The following KCNQ5 variants were observed in gnomAD, a reference collection of about 807,000 sequenced individuals.
KCNQ5 encodes potassium voltage-gated channel subfamily Q member 5.
Under a neutral mutation model 98.2 loss-of-function variants are expected in KCNQ5, and 30 were observed. The observed-to-expected ratio is 0.31, with a 90% confidence interval of 0.23 to 0.41. The LOEUF (loss-of-function observed/expected upper bound fraction) is 0.41. KCNQ5 is among the 10% of genes least tolerant of loss of function. The probability of loss-of-function intolerance (pLI) is 1.00; values close to 1 mark genes in which losing one functional copy is unlikely to be tolerated. For missense variants in KCNQ5, 835 were observed against 1,182.5 expected (o/e 0.71, Z 4.31); for synonymous variants, 458 against 449.4 (o/e 1.02, Z -0.24).
intron 1 of KCNQ5, among the ~76,000 whole-genome samples, chr6:72,981,702 T>G (rs1208430454): frequency 1.1e-4 from 17 of 152,228 alleles, no homozygotes; most frequent in Admixed American, 1.1e-3. Context: ...TTCTGCTAGC[T>G]TTTGAATGTG....
chr6:72,654,471 T>C (rs1244769046), intron 1 of KCNQ5, among the ~76,000 whole-genome samples: 3 of 151,976 alleles, frequency 2.0e-5, no homozygotes, highest in South Asian at 4.2e-4. Flanking sequence ...ATACATAAAT[T>C]TGTGAGTCGG....
chr6:72,645,245 G>A (rs183915740), intron 1 of KCNQ5, among the ~76,000 whole-genome samples: 18 of 150,276 alleles, frequency 1.2e-4, no homozygotes, highest in Admixed American at 3.3e-4. Flanking sequence ...TAGTAGCTGC[G>A]TATGGTGGGT....
At chr6:73,133,207 T>C (rs1376942494) in intron 9 of KCNQ5, among the ~76,000 whole-genome samples, 3 of 152,166 alleles carry the variant, frequency 2.0e-5, no homozygotes, top group Admixed American at 2.0e-4. Context: ...GAAGGATGTA[T>C]GTACCTGTAG....
intron 1 of KCNQ5, among the ~76,000 whole-genome samples, chr6:72,960,806 C>T (rs188198636): frequency 7.0e-4 from 106 of 152,328 alleles, no homozygotes; most frequent in Middle Eastern, 6.8e-3. Context: ...GGCCTGTGCC[C>T]GTAGTTCCCA....
intron 1 of KCNQ5, among the ~76,000 whole-genome samples, chr6:72,950,925 A>C (rs1418115232): frequency 6.6e-6 from 1 of 152,170 alleles, no homozygotes; most frequent in African/African-American, 2.4e-5. Context: ...TCTATTAATA[A>C]TTAGATTAGA....
chr6:72,748,024 C>G (rs1261653723), intron 1 of KCNQ5, among the ~76,000 whole-genome samples: 1 of 152,038 alleles, frequency 6.6e-6, no homozygotes, highest in Non-Finnish European at 1.5e-5. Context: ...GTTGTATAAT[C>G]TATACATCTC....
intron 1 of KCNQ5, among the ~76,000 whole-genome samples, chr6:72,653,137 A>G (rs953457378): frequency 2.0e-5 from 3 of 151,692 alleles, no homozygotes; most frequent in Non-Finnish European, 4.4e-5. Context: ...GATTTTCGTT[A>G]TAATATGTTT....
intron 5 of KCNQ5, among the ~76,000 whole-genome samples, chr6:73,090,337 C>T (rs186400176): frequency 3.6e-4 from 55 of 152,208 alleles, no homozygotes; most frequent in African/African-American, 1.2e-3. Context: ...TAGATTATAA[C>T]GATTTTCTCC....
intron 9 of KCNQ5, 126 bp from the exon 10 acceptor site, chr6:73,133,295 C>A: frequency 1.4e-6 from 1 of 735,548 alleles, no homozygotes; most frequent in Non-Finnish European, 2.2e-6. Flanking sequence ...AATTGCTATG[C>A]TCCTACGTGC....
At chr6:72,965,027 G>T (rs551676602) in intron 1 of KCNQ5, among the ~76,000 whole-genome samples, 1 of 152,046 alleles carries the variant, frequency 6.6e-6, no homozygotes, top group Non-Finnish European at 1.5e-5. Context: ...TTCCTAGGCT[G>T]GTCTCAAACT....
At chr6:73,110,734 C>T (rs1218729952) in intron 6 of KCNQ5, among the ~76,000 whole-genome samples, 1 of 152,166 alleles carries the variant, frequency 6.6e-6, no homozygotes. Context: ...ACAGTTATAA[C>T]ATTATAAAGA....
At chr6:73,160,829 C>A (rs1582466766) in intron 10 of KCNQ5, among the ~76,000 whole-genome samples, 1 of 152,254 alleles carries the variant, frequency 6.6e-6, no homozygotes, top group African/African-American at 2.4e-5. Context: ...TGGGTCCTAG[C>A]CTTTGGTTTC....
Position 72,725,995 on chromosome 6 carries a change from C to T in KCNQ5, c.398+103408C>T, listed in dbSNP as rs568116017. 7.0e-4 allele frequency among the ~76,000 whole-genome samples: 107 copies of T among 152,016 alleles called. 1 individual carries two copies. Among genetic ancestry groups the T allele is most frequent in the Admixed American group, 7.0e-3 (107 of 15,260 alleles). On this transcript the variant is annotated intron_variant, in intron 1 of 13. Transcript: ENST00000370398. The stretch of plus-strand genomic sequence containing the variant: ...CATCACAGTCATAGCTTTCTTAGCA[C>T]AGTTTTCTGAAATGACTTAATCCCA...
At chr6:72,670,054 G>A (rs1043744874) in intron 1 of KCNQ5, among the ~76,000 whole-genome samples, 5 of 151,854 alleles carry the variant, frequency 3.3e-5, no homozygotes, top group Non-Finnish European at 4.4e-5. Flanking sequence ...AAAGCTACAC[G>A]TTTAATACTC....
At chr6:72,986,750 T>C in intron 1 of KCNQ5, 1 of 1,473,512 alleles carries the variant, frequency 6.8e-7, no homozygotes, top group Non-Finnish European at 9.5e-7. Context: ...GGTGAAAACC[T>C]CCCCAGACCC....
intron 10 of KCNQ5, among the ~76,000 whole-genome samples, chr6:73,168,923 T>G (rs1777903482): frequency 6.6e-6 from 1 of 152,214 alleles, no homozygotes; most frequent in Admixed American, 6.5e-5. Flanking sequence ...TCATTAGTCT[T>G]CAACATCATT....
chr6:72,635,172 A>G (rs2098923319), intron 1 of KCNQ5, among the ~76,000 whole-genome samples: 1 of 151,240 alleles, frequency 6.6e-6, no homozygotes, highest in Non-Finnish European at 1.5e-5. Flanking sequence ...GACCACAGGC[A>G]CAGACCACCA....
At chr6:73,020,639 C>A (rs1770560260) in intron 2 of KCNQ5, among the ~76,000 whole-genome samples, 1 of 152,110 alleles carries the variant, frequency 6.6e-6, no homozygotes, top group Non-Finnish European at 1.5e-5. Context: ...GATTAAAAGT[C>A]CCAACCCTCT....
chr6:73,184,152 C>T (rs1778492594), intron 11 of KCNQ5, among the ~76,000 whole-genome samples: 1 of 152,192 alleles, frequency 6.6e-6, no homozygotes, highest in Admixed American at 6.5e-5. Flanking sequence ...TATTTCTTGA[C>T]TTCCACTGTT....
Sources: allele counts gnomAD v4.1 joint callset (sites outside exome capture counted in the v4.1 genomes callset), GRCh38; gene constraint gnomAD v4.1.1; transcripts MANE v1.5; gene names NCBI Gene and HGNC (gene_info 2026-07-23, HGNC 2026-07-21).